Variants in ASIC2 observed in about 807,000 individuals in gnomAD.
The protein encoded by ASIC2 is acid sensing ion channel subunit 2, also known as acid-sensing ion channel 2.
A neutral mutation model predicts 57.3 loss-of-function variants in ASIC2; 25 were observed. The observed-to-expected ratio is 0.44, with a 90% CI of 0.32 to 0.61. The LOEUF (loss-of-function observed/expected upper bound fraction) is 0.61. Ranked by LOEUF, ASIC2 falls within the 20% of genes least tolerant of loss-of-function variation. The pLI is 0.06. For missense variants in ASIC2, 641 were observed against 738.1 expected (o/e 0.87, Z 1.52); for synonymous variants, 319 against 307.5 (o/e 1.04, Z -0.39).
intron 1 of ASIC2, among the ~76,000 whole-genome samples, chr17:33,514,887 G>A (rs1032464965): frequency 3.9e-5 from 6 of 152,170 alleles, no homozygotes; most frequent in African/African-American, 1.2e-4. Flanking sequence ...TGGGCCTTGA[G>A]GAGTCATCCC....
intron 1 of ASIC2, among the ~76,000 whole-genome samples, chr17:33,186,352 C>T (rs1445608055): frequency 6.6e-6 from 1 of 152,180 alleles, no homozygotes; most frequent in East Asian, 1.9e-4. Context: ...CTCAAATGAT[C>T]TGCCCAACTC....
chr17:33,581,994 C>T (rs1237468502), intron 1 of ASIC2, among the ~76,000 whole-genome samples: 1 of 152,202 alleles, frequency 6.6e-6, no homozygotes, highest in Non-Finnish European at 1.5e-5. Flanking sequence ...CGTGTCCCCA[C>T]ACCTTGGTGT....
intron 1 of ASIC2, among the ~76,000 whole-genome samples, chr17:33,678,554 T>C (rs576298609): frequency 6.6e-6 from 1 of 152,158 alleles, no homozygotes; most frequent in East Asian, 1.9e-4. Flanking sequence ...AGTGGGACTT[T>C]ACTGCAGCTC....
chr17:33,421,498 G>A (rs1911041448), intron 1 of ASIC2, among the ~76,000 whole-genome samples: 1 of 152,234 alleles, frequency 6.6e-6, no homozygotes, highest in Non-Finnish European at 1.5e-5. Context: ...GACAGTCTTT[G>A]TGGCTGTGAA....
At chr17:33,785,893 C>T (rs1911587166) in intron 1 of ASIC2, among the ~76,000 whole-genome samples, 1 of 152,132 alleles carries the variant, frequency 6.6e-6, no homozygotes, top group East Asian at 1.9e-4. Context: ...TTCAAACTAC[C>T]ACATAGGATC....
At chr17:33,355,852 G>A (rs1908353864) in intron 1 of ASIC2, among the ~76,000 whole-genome samples, 1 of 152,106 alleles carries the variant, frequency 6.6e-6, no homozygotes. Flanking sequence ...AAAGTTTCTT[G>A]TTTGCTCAGA....
intron 3 of ASIC2, among the ~76,000 whole-genome samples, chr17:33,047,762 A>C (rs1460062400): frequency 6.6e-6 from 1 of 152,238 alleles, no homozygotes; most frequent in Admixed American, 6.5e-5. Context: ...TCTAGCCAGC[A>C]TTGGTTTTAA....
At chr17:33,183,460 G>A (rs1906066262) in intron 1 of ASIC2, among the ~76,000 whole-genome samples, 1 of 152,186 alleles carries the variant, frequency 6.6e-6, no homozygotes, top group South Asian at 2.1e-4. Context: ...GCTGGACTCA[G>A]AAGTTGCTGA....
chr17:33,366,443 T>C (rs188624012), intron 1 of ASIC2, among the ~76,000 whole-genome samples: 1 of 152,318 alleles, frequency 6.6e-6, no homozygotes, highest in African/African-American at 2.4e-5. Context: ...TACCTGCACA[T>C]GCACTGCCTT....
intron 1 of ASIC2, among the ~76,000 whole-genome samples, chr17:33,527,742 A>C (rs942430644): frequency 8.5e-5 from 13 of 152,070 alleles, no homozygotes; most frequent in African/African-American, 3.1e-4. Flanking sequence ...AATGAAGTAC[A>C]TCTGTTAATC....
chr17:33,803,959 T>C (rs1055163676), intron 1 of ASIC2, among the ~76,000 whole-genome samples: 3 of 152,182 alleles, frequency 2.0e-5, no homozygotes, highest in Non-Finnish European at 4.4e-5. Context: ...AAGAGAAGCA[T>C]TGAAAGAGAT....
intron 1 of ASIC2, among the ~76,000 whole-genome samples, chr17:33,369,678 G>C (rs1908966992): frequency 6.6e-6 from 1 of 152,112 alleles, no homozygotes; most frequent in Non-Finnish European, 1.5e-5. Context: ...CAAAGGGGCA[G>C]TGGGACTATA....
intron 1 of ASIC2, among the ~76,000 whole-genome samples, chr17:33,254,530 AC>A (rs1157981720): frequency 2.5e-4 from 38 of 151,328 alleles, no homozygotes; most frequent in South Asian, 2.1e-4. Flanking sequence ...GCTTCCTCTT[AC>A]CCCCAGGTTT....
At chr17:33,770,782 G>T (rs1473270267) in intron 1 of ASIC2, among the ~76,000 whole-genome samples, 2 of 152,182 alleles carry the variant, frequency 1.3e-5, no homozygotes, top group African/African-American at 4.8e-5. Context: ...ATTGAAACCT[G>T]CAGGGCTGGT....
intron 1 of ASIC2, among the ~76,000 whole-genome samples, chr17:33,981,354 T>G (rs1036064691): frequency 2.6e-5 from 4 of 152,232 alleles, no homozygotes; most frequent in African/African-American, 7.2e-5. Context: ...GCTTAAACTC[T>G]GAGCAGGAAG....
chr17:33,859,424 A>G (rs1034375003), intron 1 of ASIC2, among the ~76,000 whole-genome samples: 6 of 152,222 alleles, frequency 3.9e-5, no homozygotes, highest in Admixed American at 6.5e-5. Context: ...AGTTCATTAA[A>G]GAGAGGCAGG....
intron 1 of ASIC2, among the ~76,000 whole-genome samples, chr17:33,591,090 G>A (rs727206): frequency 0.49 from 74,766 of 151,996 alleles, 18,894 homozygotes; most frequent in African/African-American, 0.62. Context: ...ATATTCTGCT[G>A]TTCTGGGCTC....
chr17:34,049,347 G>A (rs1468840925), intron 1 of ASIC2, among the ~76,000 whole-genome samples: 1 of 152,082 alleles, frequency 6.6e-6, no homozygotes, highest in Non-Finnish European at 1.5e-5. Flanking sequence ...GTCCTGGAAG[G>A]GGAAACTCCA....
intron 1 of ASIC2, among the ~76,000 whole-genome samples, chr17:33,491,335 T>C (rs74937388): frequency 1.3e-5 from 2 of 152,290 alleles, no homozygotes; most frequent in Non-Finnish European, 2.9e-5. Context: ...GCCCAAGGGC[T>C]ACTTGTCAAG....
Sources: allele counts gnomAD v4.1 joint callset (sites outside exome capture counted in the v4.1 genomes callset), GRCh38; gene constraint gnomAD v4.1.1; transcripts MANE v1.5; gene names NCBI Gene and HGNC (gene_info 2026-07-23, HGNC 2026-07-21).